The following USH2A variants were observed in gnomAD, a reference collection of about 807,000 sequenced individuals.
USH2A encodes Usher syndrome 2A (autosomal recessive, mild).
Under a neutral mutation model 538.9 loss-of-function variants are expected in USH2A, and 443 were observed. The observed-to-expected ratio is 0.82, with a 90% CI of 0.76 to 0.89. USH2A has a LOEUF of 0.89. USH2A is among the 40% of genes least tolerant of loss of function. The pLI is 0.00. For synonymous variants in USH2A, 2,413 were observed against 2,273.5 expected (o/e 1.06, Z -1.75); for missense variants, 6,633 against 6,324.8 (o/e 1.05, Z -1.65).
chr1:216,084,881 CAGG>C lies in USH2A; in HGVS notation c.4988-7_4988-5del. ...ACAAAACCTTTTTGGATTATCTCTGCAGGAGTTTATAGATATCAAGAAATATAT... is the reference window on the plus strand; with the variant it reads ...ACAAAACCTTTTTGGATTATCTCTGCAGTTTATAGATATCAAGAAATATAT... On this transcript the variant is annotated splice_polypyrimidine_tract_variant and splice_region_variant and intron_variant, in intron 24 of 71. Coordinates refer to ENST00000307340, the MANE Select transcript of USH2A (RefSeq NM_206933.4). 6.2e-7 allele frequency: 1 copy of C among 1,612,034 alleles called. No individual in the cohort carries two copies. The highest frequency in any genetic ancestry group is 1.3e-5 in the African/African-American group (1 of 74,960).
intron 3 of USH2A, among the ~76,000 whole-genome samples, chr1:216,371,399 G>A (rs1254678808): frequency 6.6e-6 from 1 of 152,156 alleles, no homozygotes; most frequent in Non-Finnish European, 1.5e-5. Flanking sequence ...TGTCAAACTG[G>A]TACAGGATTG....
At chr1:215,923,415 G>T (rs1188205245) in intron 38 of USH2A, among the ~76,000 whole-genome samples, 1 of 152,032 alleles carries the variant, frequency 6.6e-6, no homozygotes, top group Non-Finnish European at 1.5e-5. Context: ...TCTTTGAGGG[G>T]CAACATGGCT....
intron 57 of USH2A, among the ~76,000 whole-genome samples, chr1:215,759,440 G>C (rs959283319): frequency 1.3e-5 from 2 of 151,994 alleles, no homozygotes; most frequent in Non-Finnish European, 2.9e-5. Flanking sequence ...AAATTCTCAT[G>C]CTTTTATGTC....
chr1:216,269,733 T>C (rs543663542), intron 11 of USH2A, among the ~76,000 whole-genome samples: 1 of 152,232 alleles, frequency 6.6e-6, no homozygotes, highest in Admixed American at 6.5e-5. Flanking sequence ...TTGCTGCATA[T>C]TGCCTTGTGA....
At chr1:216,146,039 C>A (rs528079130) in intron 21 of USH2A, among the ~76,000 whole-genome samples, 45 of 152,304 alleles carry the variant, frequency 3.0e-4, no homozygotes, top group African/African-American at 1.0e-3. Context: ...TCTCTTCACA[C>A]GGACGCGCAT....
chr1:215,683,719 T>C (rs1433417369), intron 61 of USH2A, among the ~76,000 whole-genome samples: 1 of 152,180 alleles, frequency 6.6e-6, no homozygotes, highest in Non-Finnish European at 1.5e-5. Flanking sequence ...TTCCTTTCTC[T>C]TTCTTCTTAT....
intron 3 of USH2A, among the ~76,000 whole-genome samples, chr1:216,417,353 A>C (rs868494140): frequency 2.6e-5 from 4 of 152,128 alleles, no homozygotes; most frequent in African/African-American, 9.7e-5. Context: ...TGAGGTTCAC[A>C]TGAGCCACTG....
chr1:216,219,326 G>C (rs1255204492), intron 14 of USH2A, among the ~76,000 whole-genome samples: 2 of 151,996 alleles, frequency 1.3e-5, no homozygotes, highest in African/African-American at 4.8e-5. Context: ...CCTAAATGAA[G>C]TTCACAAGCG....
chr1:216,322,575 C>T (rs2037639155), intron 8 of USH2A, among the ~76,000 whole-genome samples: 1 of 148,030 alleles, frequency 6.8e-6, no homozygotes, highest in Non-Finnish European at 1.5e-5. Context: ...CCATTGCATG[C>T]CAGCCTGGGT....
intron 21 of USH2A, among the ~76,000 whole-genome samples, chr1:216,173,426 C>T (rs146618445): frequency 1.0e-3 from 154 of 152,258 alleles, no homozygotes; most frequent in African/African-American, 3.7e-3. Flanking sequence ...CAGGAATCAC[C>T]AAAGCTCCAG....
At chr1:216,020,641 C>G (rs1668824587) in intron 32 of USH2A, among the ~76,000 whole-genome samples, 2 of 152,026 alleles carry the variant, frequency 1.3e-5, no homozygotes, top group South Asian at 4.1e-4. Context: ...AGGGCTGTTC[C>G]CCAGAAAGAC....
At chr1:215,731,388 G>GT (rs1342742153) in intron 60 of USH2A, among the ~76,000 whole-genome samples, 1 of 152,200 alleles carries the variant, frequency 6.6e-6, no homozygotes, top group African/African-American at 2.4e-5. Context: ...AAGTGGTTGA[G>GT]TAGACCACAA....
At chr1:216,185,930 T>C (rs2034590029) in intron 20 of USH2A, among the ~76,000 whole-genome samples, 2 of 151,912 alleles carry the variant, frequency 1.3e-5, no homozygotes, top group Non-Finnish European at 2.9e-5. Context: ...TTATTTTCAC[T>C]GATCTGAACA....
At chr1:216,368,427 G>A (rs2791289) in intron 3 of USH2A, among the ~76,000 whole-genome samples, 111,975 of 152,030 alleles carry the variant, frequency 0.74, 41,396 homozygotes, top group East Asian at 0.87. Context: ...CTGGCCATCA[G>A]AACTAAAAGA....
At chr1:215,824,353 T>C (rs1428282219) in intron 47 of USH2A, among the ~76,000 whole-genome samples, 1 of 152,110 alleles carries the variant, frequency 6.6e-6, no homozygotes, top group East Asian at 1.9e-4. Flanking sequence ...TTTCTGTTCA[T>C]TTTCTTTCAT....
In USH2A at chr1:215,900,222, A is replaced by G; in HGVS notation, c.7452-5T>C. On this transcript the variant is annotated splice_polypyrimidine_tract_variant and splice_region_variant and intron_variant, in intron 39 of 71. Coordinates refer to ENST00000307340, the MANE Select transcript of USH2A (RefSeq NM_206933.4). The stretch of plus-strand genomic sequence containing the variant: ...GCAGAAGGATTGGAAAATAACCTGT[A>G]TGGGAAATAAATGTCAATTAGGAAG... The G allele has an allele frequency of 1.2e-6, 2 of 1,613,272 alleles. No homozygotes were observed. Among genetic ancestry groups the G allele is most frequent in the South Asian group, 1.1e-5 (1 of 91,084 alleles).
intron 34 of USH2A, among the ~76,000 whole-genome samples, chr1:215,998,681 C>A (rs1012766385): frequency 1.2e-4 from 18 of 150,902 alleles, no homozygotes; most frequent in African/African-American, 4.2e-4. Flanking sequence ...GTTATTCTAT[C>A]ATTTGCATAA....
At position 216,327,711 on chromosome 1, in the gene USH2A, G is replaced by A. The variant is rs2037764249; in HGVS notation, c.785-57C>T. ...AGTCTCTGTTTACCAAGCAATACCTGACAAGTATTTAAGTGATATTCCTTT... is the reference window on the plus strand; with the variant it reads ...AGTCTCTGTTTACCAAGCAATACCTAACAAGTATTTAAGTGATATTCCTTT... On this transcript the variant is annotated intron_variant, in intron 4 of 71. Transcript: ENST00000307340. 1.1e-5 allele frequency: 17 copies of A among 1,588,268 alleles called. 1 individual carries two copies. The South Asian group carries it at 1.8e-4, about 17-fold the overall frequency.
At chr1:216,078,038 T>G (rs755051700) in intron 27 of USH2A, 51 bp downstream of exon 27, 1 of 1,611,672 alleles carries the variant, frequency 6.2e-7, no homozygotes, top group East Asian at 2.2e-5. Context: ...CACCAAAAAC[T>G]GTTAGCACCA....
Sources: allele counts gnomAD v4.1 joint callset (sites outside exome capture counted in the v4.1 genomes callset), GRCh38; gene constraint gnomAD v4.1.1; transcripts MANE v1.5; gene names NCBI Gene and HGNC (gene_info 2026-07-23, HGNC 2026-07-21).